Variants in FOXP1 observed in about 807,000 individuals in gnomAD.
FOXP1 encodes forkhead box P1.
In FOXP1, 15 loss-of-function variants were observed where a neutral mutation model predicts 98.2. That is an observed-to-expected ratio of 0.15 (90% CI 0.10 to 0.24). The LOEUF is 0.24. Among genes scored for constraint, FOXP1 ranks in the 10% least tolerant of loss-of-function variants. The pLI is 1.00. For missense variants in FOXP1, 633 were observed against 848.5 expected (o/e 0.75, Z 3.15); for synonymous variants, 371 against 314.5 (o/e 1.18, Z -1.90).
chr3:71,234,472 G>A (rs1176172613), intron 5 of FOXP1, among the ~76,000 whole-genome samples: 1 of 152,188 alleles, frequency 6.6e-6, no homozygotes, highest in Non-Finnish European at 1.5e-5. Flanking sequence ...GGGAGGCGAG[G>A]ATGCTCTTCA....
intron 4 of FOXP1, among the ~76,000 whole-genome samples, chr3:71,341,501 G>C (rs1193382440): frequency 6.6e-6 from 1 of 152,156 alleles, no homozygotes; most frequent in Non-Finnish European, 1.5e-5. Flanking sequence ...AGGCGTGGTG[G>C]CTAATGCCTG....
chr3:71,417,980 T>C (rs2083339518), intron 3 of FOXP1, among the ~76,000 whole-genome samples: 1 of 152,066 alleles, frequency 6.6e-6, no homozygotes, highest in Non-Finnish European at 1.5e-5. Flanking sequence ...CTAGTTTTTT[T>C]TTTTTCCTTC....
At chr3:71,193,089 G>C (rs1350845835) in intron 6 of FOXP1, among the ~76,000 whole-genome samples, 1 of 151,946 alleles carries the variant, frequency 6.6e-6, no homozygotes, top group Non-Finnish European at 1.5e-5. Flanking sequence ...ATTCTCTCAG[G>C]TTCCTCTGGC....
chr3:71,434,296 C>T (rs1302692537), intron 3 of FOXP1, among the ~76,000 whole-genome samples: 3 of 151,928 alleles, frequency 2.0e-5, no homozygotes, highest in East Asian at 3.9e-4. Context: ...CTTGTTCCCC[C>T]GCAGTCAGGA....
intron 5 of FOXP1, among the ~76,000 whole-genome samples, chr3:71,283,246 C>A (rs2071752725): frequency 6.6e-6 from 1 of 152,128 alleles, no homozygotes; most frequent in Non-Finnish European, 1.5e-5. Context: ...GAGCAAACAC[C>A]CAGAGAGGGG....
rs1559554165 is a variant in FOXP1 at position 70,957,956 on chromosome 3, C to T, written c.*1291G>A. ...ATAAACTCAGCGCCGCCGCCGCCACCCCTACTTTCAGGGCAGCTGCTCGGG... is the reference window on the plus strand; with the variant it reads ...ATAAACTCAGCGCCGCCGCCGCCACTCCTACTTTCAGGGCAGCTGCTCGGG... On this transcript the variant is annotated 3_prime_UTR_variant, in exon 21 of 21. Coordinates refer to ENST00000649528, the MANE Select transcript of FOXP1 (RefSeq NM_001349338.3). 1 of 245,924 alleles carries T rather than the reference C, an allele frequency of 4.1e-6. No homozygotes were observed. Among genetic ancestry groups the T allele is most frequent in the Non-Finnish European group, 8.0e-6 (1 of 125,648 alleles). The allele number at this position is 245,924 out of a possible 1,614,324, so 15.2% of individuals were successfully genotyped here. A position where few individuals can be genotyped will look rare whatever the true frequency, so the allele number is the denominator to read the frequency against.
chr3:71,415,349 A>G lies in FOXP1; in HGVS notation c.-167-56105T>C, dbSNP rs549352115. On this transcript the variant is annotated intron_variant, in intron 3 of 20. Transcript: ENST00000649528. ...ATAATTTTTTAATCTATAAATTGTG[A>G]TTATAATTTTCACTCCTGTTGATAA... is the stretch of plus-strand genomic sequence containing the variant. Among the ~76,000 whole-genome samples, 3 of 152,302 alleles carry G rather than the reference A, an allele frequency of 2.0e-5. No homozygotes were observed. In the East Asian group the frequency reaches 5.8e-4, roughly 29 times the overall value.
intron 17 of FOXP1, among the ~76,000 whole-genome samples, chr3:70,974,147 G>C (rs1372145803): frequency 6.6e-6 from 1 of 152,148 alleles, no homozygotes; most frequent in African/African-American, 2.4e-5. Flanking sequence ...AGATACCCAG[G>C]TGACTATGAA....
chr3:70,964,704 G>A (rs2106976573), intron 20 of FOXP1, among the ~76,000 whole-genome samples: 1 of 152,292 alleles, frequency 6.6e-6, no homozygotes, highest in South Asian at 2.1e-4. Context: ...TTAAAATGCT[G>A]TGAAGCAAAT....
At chr3:70,998,245 A>C (rs73118214) in intron 13 of FOXP1, among the ~76,000 whole-genome samples, 28,095 of 152,178 alleles carry the variant, frequency 0.18, 3,303 homozygotes, top group East Asian at 0.57. Context: ...ACTGTAGTGC[A>C]AAAGCAGCAA....
chr3:71,474,886 A>G (rs1247317262), intron 3 of FOXP1, among the ~76,000 whole-genome samples: 1 of 152,122 alleles, frequency 6.6e-6, no homozygotes. Flanking sequence ...CCTCTGGTCC[A>G]TGGAAAAACC....
At chr3:71,434,215 G>A (rs2084990557) in intron 3 of FOXP1, among the ~76,000 whole-genome samples, 1 of 152,196 alleles carries the variant, frequency 6.6e-6, no homozygotes, top group Non-Finnish European at 1.5e-5. Flanking sequence ...GAAGAAGTAT[G>A]TGTTACATGC....
chr3:71,062,375 G>A (rs904867144), intron 7 of FOXP1, among the ~76,000 whole-genome samples: 1 of 152,194 alleles, frequency 6.6e-6, no homozygotes, highest in African/African-American at 2.4e-5. Context: ...GGAAAAATAT[G>A]AGTTAATCCG....
rs936543149 is a variant in FOXP1 at position 71,300,724 on chromosome 3, G to A, written c.-72-844C>T. Among the ~76,000 whole-genome samples, 11 of 152,152 alleles carry A rather than the reference G, an allele frequency of 7.2e-5. 1 individual carries two copies. Among genetic ancestry groups the A allele is most frequent in the Admixed American group, 6.5e-4 (10 of 15,282 alleles). ...AGATCAAGTTACTAAGAGGGTACAG[G>A]ATTCATTCCATATCCATTGACCAAA... is the stretch of plus-strand genomic sequence containing the variant. On this transcript the variant is annotated intron_variant, in intron 4 of 20. Transcript: ENST00000649528.
chr3:71,428,553 C>G (rs1165863989), intron 3 of FOXP1, among the ~76,000 whole-genome samples: 2 of 152,228 alleles, frequency 1.3e-5, no homozygotes, highest in African/African-American at 4.8e-5. Flanking sequence ...CTTAACAAGT[C>G]TTGTTCAGAG....
At chr3:71,124,881 T>C (rs1184977680) in intron 6 of FOXP1, among the ~76,000 whole-genome samples, 1 of 152,250 alleles carries the variant, frequency 6.6e-6, no homozygotes, top group Non-Finnish European at 1.5e-5. Flanking sequence ...CCATTGGTCG[T>C]CCTCTTTACA....
intron 12 of FOXP1, 70 bp from the exon 13 acceptor site, chr3:71,001,129 G>T: frequency 7.9e-7 from 1 of 1,258,044 alleles, no homozygotes; most frequent in Non-Finnish European, 1.2e-6. Flanking sequence ...TTACCAGGAT[G>T]TTTAAGCATA....
intron 4 of FOXP1, among the ~76,000 whole-genome samples, chr3:71,350,109 G>A (rs1476587988): frequency 6.6e-6 from 1 of 152,154 alleles, no homozygotes; most frequent in Non-Finnish European, 1.5e-5. Context: ...TGGCTCACCT[G>A]TACAAAAATG....
At chr3:71,125,226 C>A (rs1276934536) in intron 6 of FOXP1, among the ~76,000 whole-genome samples, 1 of 152,180 alleles carries the variant, frequency 6.6e-6, no homozygotes, top group East Asian at 1.9e-4. Context: ...TGAATCCCAA[C>A]TACGATTGGT....
Sources: gnomAD v4.1 joint callset for allele counts (sites outside exome capture counted in the v4.1 genomes callset) on GRCh38, gnomAD v4.1.1 for gene constraint, MANE v1.5 for transcripts, NCBI Gene and HGNC (gene_info 2026-07-23, HGNC 2026-07-21) for gene names.